The following CWC27 variants were observed in gnomAD, a reference collection of about 807,000 sequenced individuals.
CWC27 encodes the protein spliceosome-associated protein CWC27 homolog.
CWC27 carries 47 observed loss-of-function variants against 63.6 expected under a neutral mutation model. The ratio of observed to expected loss-of-function variants is 0.74; its 90% CI spans 0.58 to 0.94. The LOEUF is 0.94. CWC27 is among the 40% of genes least tolerant of loss of function. CWC27 has a pLI of 0.00. For synonymous variants in CWC27, 175 were observed against 179.8 expected (o/e 0.97, Z 0.22); for missense variants, 495 against 554.3 (o/e 0.89, Z 1.07).
intron 13 of CWC27, among the ~76,000 whole-genome samples, chr5:65,011,932 G>T (rs1462968708): frequency 6.6e-6 from 1 of 152,162 alleles, no homozygotes; most frequent in Non-Finnish European, 1.5e-5. Flanking sequence ...AGGCAATAAG[G>T]AGATAAAAAT....
chr5:64,957,213 G>A (rs1030246786), intron 11 of CWC27, among the ~76,000 whole-genome samples: 1 of 152,058 alleles, frequency 6.6e-6, no homozygotes, highest in Non-Finnish European at 1.5e-5. Flanking sequence ...ATTCGCCTTG[G>A]GCAATTTTAG....
At chr5:64,796,801 C>T (rs1580609870) in intron 7 of CWC27, among the ~76,000 whole-genome samples, 1 of 98,206 alleles carries the variant, frequency 1.0e-5, no homozygotes, top group Non-Finnish European at 2.1e-5. Flanking sequence ...TCCTTCTTCC[C>T]TCCCTCCCTC....
In CWC27 at chr5:64,949,932, G is replaced by A. The variant is rs138306638; in HGVS notation, c.1043-21771G>A. Among the ~76,000 whole-genome samples the A allele has an allele frequency of 4.6e-5, 7 of 151,976 alleles. No homozygotes were observed. The East Asian group carries it at 7.7e-4, about 17-fold the overall frequency. ...GCCCAGGGGCTGAAACCCAGGCATCGGTACTTTTTGAAGCTCCCCAGGTAA... is the reference window on the plus strand; with the variant it reads ...GCCCAGGGGCTGAAACCCAGGCATCAGTACTTTTTGAAGCTCCCCAGGTAA... On this transcript the variant is annotated intron_variant, in intron 11 of 13. Coordinates refer to ENST00000381070, the MANE Select transcript of CWC27 (RefSeq NM_005869.4).
chr5:64,990,501 G>C, intron 13 of CWC27, among the ~76,000 whole-genome samples: 1 of 47,698 alleles, frequency 2.1e-5, no homozygotes, highest in East Asian at 4.3e-4. Flanking sequence ...TCCTGACCTC[G>C]TGATCTGCCC....
intron 11 of CWC27, among the ~76,000 whole-genome samples, chr5:64,924,721 A>T (rs1311876939): frequency 6.6e-6 from 1 of 152,202 alleles, no homozygotes; most frequent in Non-Finnish European, 1.5e-5. Context: ...GTGAGCACAC[A>T]TGGCTCATGT....
At chr5:64,965,874 A>C (rs964180554) in intron 11 of CWC27, among the ~76,000 whole-genome samples, 14 of 152,208 alleles carry the variant, frequency 9.2e-5, no homozygotes, top group Non-Finnish European at 1.9e-4. Flanking sequence ...GCTGGTTATG[A>C]CTATACATTA....
intron 9 of CWC27, among the ~76,000 whole-genome samples, chr5:64,801,822 A>G (rs1204997608): frequency 1.3e-5 from 2 of 152,194 alleles, no homozygotes; most frequent in African/African-American, 2.4e-5. Context: ...AACAGAAGGA[A>G]GATTTTCCTT....
chr5:64,921,511 C>T (rs1404700499), intron 11 of CWC27, among the ~76,000 whole-genome samples: 2 of 152,034 alleles, frequency 1.3e-5, no homozygotes, highest in Non-Finnish European at 2.9e-5. Flanking sequence ...CTTCCATTTG[C>T]CTGGTAGATC....
chr5:64,795,082 C>T (rs1389941818), intron 7 of CWC27, among the ~76,000 whole-genome samples: 1 of 152,064 alleles, frequency 6.6e-6, no homozygotes, highest in African/African-American at 2.4e-5. Context: ...CTTGGTAGAC[C>T]GTTTCGCCAC....
At chr5:64,975,734 A>C (rs1309585) in intron 12 of CWC27, among the ~76,000 whole-genome samples, 58,934 of 152,040 alleles carry the variant, frequency 0.39, 11,882 homozygotes, top group Non-Finnish European at 0.45. Context: ...ACTTAACAAT[A>C]GAATGCAATG....
chr5:64,952,114 C>T (rs1748721442), intron 11 of CWC27, among the ~76,000 whole-genome samples: 1 of 151,940 alleles, frequency 6.6e-6, no homozygotes, highest in Non-Finnish European at 1.5e-5. Flanking sequence ...AACCCAAGTG[C>T]ATCCTTCCAT....
chr5:64,850,901 TAA>T (rs1033795083), intron 10 of CWC27, among the ~76,000 whole-genome samples: 5 of 150,424 alleles, frequency 3.3e-5, no homozygotes, highest in Admixed American at 3.3e-4. Flanking sequence ...CAAAAAAAAG[TAA>T]AGTGTTGGCA....
At chr5:64,887,355 TTTTA>T (rs59499162) in intron 11 of CWC27, among the ~76,000 whole-genome samples, 9 of 152,022 alleles carry the variant, frequency 5.9e-5, no homozygotes, top group Non-Finnish European at 8.8e-5. Flanking sequence ...TTCAATCTGC[TTTTA>T]TTTATTTATT....
intron 10 of CWC27, among the ~76,000 whole-genome samples, chr5:64,876,046 T>C (rs545224116): frequency 3.2e-4 from 48 of 152,280 alleles, no homozygotes; most frequent in Non-Finnish European, 5.7e-4. Context: ...GCGGTACTGC[T>C]AGTAATAGGT....
At chr5:64,793,783 G>A (rs1284145014) in intron 7 of CWC27, among the ~76,000 whole-genome samples, 1 of 152,020 alleles carries the variant, frequency 6.6e-6, no homozygotes, top group African/African-American at 2.4e-5. Flanking sequence ...TTCAGTGACT[G>A]CACAGTATTA....
intron 10 of CWC27, among the ~76,000 whole-genome samples, chr5:64,828,715 G>T (rs1745432984): frequency 1.3e-5 from 2 of 152,068 alleles, no homozygotes; most frequent in Non-Finnish European, 2.9e-5. Flanking sequence ...ACTTGTTCAA[G>T]ATTATTTTGT....
chr5:64,776,825 A>G (rs1186722157), intron 2 of CWC27, among the ~76,000 whole-genome samples: 1 of 152,120 alleles, frequency 6.6e-6, no homozygotes, highest in Admixed American at 6.6e-5. Flanking sequence ...AACATGAACA[A>G]GTAAGAGCGC....
At chr5:64,793,242 A>C (rs1055894607) in intron 7 of CWC27, among the ~76,000 whole-genome samples, 1 of 151,960 alleles carries the variant, frequency 6.6e-6, no homozygotes, top group Non-Finnish European at 1.5e-5. Context: ...ATTATTACCC[A>C]CCAACAACCC....
chr5:64,865,270 A>T (rs572685698), intron 10 of CWC27, among the ~76,000 whole-genome samples: 1 of 152,232 alleles, frequency 6.6e-6, no homozygotes, highest in East Asian at 1.9e-4. Flanking sequence ...AAAGACTGTG[A>T]TTTCATCAAA....
Sources: gnomAD v4.1 joint callset for allele counts (sites outside exome capture counted in the v4.1 genomes callset) on GRCh38, gnomAD v4.1.1 for gene constraint, MANE v1.5 for transcripts, NCBI Gene and HGNC (gene_info 2026-07-23, HGNC 2026-07-21) for gene names.